The following PCDHGB1 variants were observed in gnomAD, a reference collection of about 807,000 sequenced individuals.
The protein encoded by PCDHGB1 is protocadherin gamma-B1.
PCDHGB1 carries 34 observed loss-of-function variants against 56.6 expected under a neutral mutation model. That is an observed-to-expected ratio of 0.60 (90% CI 0.46 to 0.80). The LOEUF (loss-of-function observed/expected upper bound fraction) is 0.80. PCDHGB1 is among the 30% of genes least tolerant of loss of function. The probability of loss-of-function intolerance (pLI) is 0.00; values close to 1 mark genes in which losing one functional copy is unlikely to be tolerated. For synonymous variants in PCDHGB1, 561 were observed against 505.9 expected (o/e 1.11, Z -1.46); for missense variants, 1,278 against 1,204.6 (o/e 1.06, Z -0.90).
At chr5:141,392,991 G>A in intron 1 of PCDHGB1, 1 of 1,613,904 alleles carries the variant, frequency 6.2e-7, no homozygotes, top group Middle Eastern at 1.7e-4. Flanking sequence ...CCGGAAGCTG[G>A]CGAAGCACGG....
chr5:141,393,603 G>C, intron 1 of PCDHGB1: 1 of 1,613,928 alleles, frequency 6.2e-7, no homozygotes, highest in East Asian at 2.2e-5. Flanking sequence ...GCTGCTTACT[G>C]TAACAGCCAG....
intron 1 of PCDHGB1, chr5:141,355,210 C>T (rs766513071): frequency 1.9e-6 from 3 of 1,599,774 alleles, no homozygotes; most frequent in Non-Finnish European, 2.6e-6. Flanking sequence ...AATGGCGGCG[C>T]CTCCTGCTCG....
chr5:141,361,168 C>T, intron 1 of PCDHGB1: 2 of 1,613,906 alleles, frequency 1.2e-6, no homozygotes, highest in Non-Finnish European at 1.7e-6. Context: ...CGATTGTGCA[C>T]CTGAAGTTAT....
At chr5:141,354,496 G>A (rs1018182133) in intron 1 of PCDHGB1, among the ~76,000 whole-genome samples, 1 of 152,226 alleles carries the variant, frequency 6.6e-6, no homozygotes, top group African/African-American at 2.4e-5. Flanking sequence ...TGAACAGTAG[G>A]TGAGTTTTTT....
rs768560315 is a variant in PCDHGB1, at chr5:141,357,355, TG to T, written c.2409+4688del. On this transcript the variant is annotated intron_variant, in intron 1 of 3. Coordinates refer to ENST00000523390, the MANE Select transcript of PCDHGB1 (RefSeq NM_018922.3). ...GCTGCTAGCACTCAAGCTGAGACGC[TG>T]GCACAAGTCACGCCTGCTTCACGCT... The T allele has an allele frequency of 8.7e-6, 14 of 1,614,154 alleles. No individual in the cohort carries two copies. In the South Asian group the frequency reaches 1.4e-4, roughly 16 times the overall value.
At chr5:141,430,680 C>G (rs990086941) in intron 1 of PCDHGB1, 8 of 1,343,124 alleles carry the variant, frequency 6.0e-6, no homozygotes, top group Non-Finnish European at 8.0e-6. Context: ...TCCCAACTGT[C>G]CCATTCTATG....
At chr5:141,414,740 G>A (rs776833780) in intron 1 of PCDHGB1, 1 of 1,614,208 alleles carries the variant, frequency 6.2e-7, no homozygotes, top group South Asian at 1.1e-5. Flanking sequence ...TATGCACTCA[G>A]ATCCTTCGAC....
intron 1 of PCDHGB1, chr5:141,426,833 G>T: frequency 2.2e-6 from 1 of 456,680 alleles, no homozygotes; most frequent in Non-Finnish European, 4.4e-6. Flanking sequence ...TGATGGACAA[G>T]ACTAAAGGCA....
chr5:141,360,714 G>A (rs1761713863), intron 1 of PCDHGB1: 1 of 1,613,956 alleles, frequency 6.2e-7, no homozygotes, highest in Non-Finnish European at 8.5e-7. Flanking sequence ...AATATCCTGA[G>A]TTGATTCTAA....
At chr5:141,355,606 G>A (rs1379031705) in intron 1 of PCDHGB1, 2 of 1,614,008 alleles carry the variant, frequency 1.2e-6, no homozygotes, top group East Asian at 2.2e-5. Context: ...TTTTGGGACA[G>A]AACAGAGGGA....
In PCDHGB1 at chr5:141,352,375, A is replaced by G. The variant is rs777856630; in HGVS notation, c.2115A>G (p.Leu705=). 5 of 1,613,806 alleles carry G rather than the reference A, an allele frequency of 3.1e-6. No homozygotes were observed. Among genetic ancestry groups the G allele is most frequent in the African/African-American group, 1.3e-5 (1 of 74,896 alleles). Reference sequence around the variant, plus strand: ...TGCTCTTTCTCCTCGCGGTGATTCTAGCGATCGCCCTGCGCCTGCGACGTT... The same window carrying G: ...TGCTCTTTCTCCTCGCGGTGATTCTGGCGATCGCCCTGCGCCTGCGACGTT... The part of the protein sequence containing the change: ...ISVLFLLAVI[L]AIALRLRRSS... Residue 705 remains leucine, a synonymous_variant, in exon 1 of 4, where the codon CTA becomes CTG. Transcript: ENST00000523390.
At position 141,476,124 on chromosome 5, in the gene PCDHGB1, C is replaced by T. The variant is rs1187643558; in HGVS notation, c.2410-18683C>T. 4 of 1,603,236 alleles carry T rather than the reference C, an allele frequency of 2.5e-6. No homozygotes were observed. Among genetic ancestry groups the T allele is most frequent in the Non-Finnish European group, 3.4e-6 (4 of 1,176,388 alleles). ...GAACTGCTTTTGAGTGAGATGGTCCCAGAGGCCTGGAGGAGCGGACTGGTA... is the reference window on the plus strand; with the variant it reads ...GAACTGCTTTTGAGTGAGATGGTCCTAGAGGCCTGGAGGAGCGGACTGGTA... On this transcript the variant is annotated intron_variant, in intron 1 of 3. Transcript: ENST00000523390. This position sits in a 1 kb window ranked among gnomAD's most constrained non-coding sequence, Gnocchi z 7.6.
At chr5:141,399,700 G>T (rs1354039219) in intron 1 of PCDHGB1, 1 of 1,613,422 alleles carries the variant, frequency 6.2e-7, no homozygotes. Flanking sequence ...GCGCACCTTC[G>T]AACTCACACT....
chr5:141,459,557 A>G (rs1052669136), intron 1 of PCDHGB1, among the ~76,000 whole-genome samples: 1 of 152,224 alleles, frequency 6.6e-6, no homozygotes, highest in East Asian at 1.9e-4. Context: ...TCTTGGATAA[A>G]TACCCCAAAA....
Position 141,389,842 on chromosome 5 carries a change from C to G in PCDHGB1, c.2409+37173C>G, listed in dbSNP as rs779733638. The G allele has an allele frequency of 3.7e-6, 6 of 1,613,900 alleles. No individual in the cohort carries two copies. In the Admixed American group the frequency reaches 8.3e-5, roughly 22 times the overall value. ...CGTGACGGTGGACAGCCACCACTCT[C>G]GGCCACTGCCACGTTGCACCTGGTC... On this transcript the variant is annotated intron_variant, in intron 1 of 3. Coordinates refer to ENST00000523390, the MANE Select transcript of PCDHGB1 (RefSeq NM_018922.3).
chr5:141,366,831 A>G, intron 1 of PCDHGB1: 1 of 1,522,238 alleles, frequency 6.6e-7, no homozygotes, highest in Non-Finnish European at 8.8e-7. Flanking sequence ...ATTCAGAATC[A>G]GCTAGTTATG....
chr5:141,413,328 C>G, intron 1 of PCDHGB1: 1 of 1,614,004 alleles, frequency 6.2e-7, no homozygotes, highest in Non-Finnish European at 8.5e-7. Context: ...TCGTGGGCAA[C>G]ATCTCCAAGG....
intron 1 of PCDHGB1, among the ~76,000 whole-genome samples, chr5:141,380,434 T>C (rs919623948): frequency 6.6e-6 from 1 of 152,208 alleles, no homozygotes; most frequent in South Asian, 2.1e-4. Flanking sequence ...AGACTTTACA[T>C]AGAATTCTTT....
Position 141,383,130 on chromosome 5 carries a change from G to C in PCDHGB1, c.2409+30461G>C, listed in dbSNP as rs1328104143. On this transcript the variant is annotated intron_variant, in intron 1 of 3. Coordinates refer to ENST00000523390, the MANE Select transcript of PCDHGB1 (RefSeq NM_018922.3). ...GAGGTAGGACGCAGCTTTTCGCCCT[G>C]AACCAGCGCAGCGGCAGCTTGGTCA... 3.1e-6 allele frequency: 5 copies of C among 1,614,008 alleles called. No homozygotes were observed. In the African/African-American group the frequency reaches 5.3e-5, roughly 17 times the overall value.
Sources: allele counts gnomAD v4.1 joint callset (sites outside exome capture counted in the v4.1 genomes callset), GRCh38; gene constraint gnomAD v4.1.1; non-coding constraint Gnocchi (gnomAD v3.1); transcripts MANE v1.5; gene names NCBI Gene and HGNC (gene_info 2026-07-23, HGNC 2026-07-21).